Variants in ZCWPW2 observed in about 807,000 individuals in gnomAD.
ZCWPW2 encodes zinc finger CW-type PWWP domain protein 2.
ZCWPW2 carries 45 observed loss-of-function variants against 46.6 expected under a neutral mutation model. The observed-to-expected ratio is 0.96, with a 90% CI of 0.76 to 1.24. The LOEUF (loss-of-function observed/expected upper bound fraction) is 1.24, where lower values mean the gene tolerates loss of function less well. Ranked by LOEUF, ZCWPW2 falls within the 50% of genes most tolerant of loss-of-function variation. ZCWPW2 has a pLI of 0.00. For synonymous variants in ZCWPW2, 152 were observed against 137.1 expected, an observed-to-expected ratio of 1.11 and a Z score of -0.76; for missense variants, 429 against 403.9, an observed-to-expected ratio of 1.06 and a Z score of -0.53.
At chr3:28,501,407 A>G (rs1700139182) in intron 6 of ZCWPW2, among the ~76,000 whole-genome samples, 1 of 152,126 alleles carries the variant, frequency 6.6e-6, no homozygotes, top group South Asian at 2.1e-4. Context: ...GTTCAGTTTG[A>G]TTACATGACA....
rs914815789 is a variant in ZCWPW2, at chr3:28,348,960, A to C, written c.-377A>C. On this transcript the variant is annotated 5_prime_UTR_variant, in exon 1 of 10. Coordinates refer to ENST00000383768, the MANE Select transcript of ZCWPW2 (RefSeq NM_001040432.4). Reference sequence around the variant, plus strand: ...GGGAAGCACTCCGGAAAGTGATTGGAAGTGTGGATGAGCTCTCAGCCGGAA... The same window carrying C: ...GGGAAGCACTCCGGAAAGTGATTGGCAGTGTGGATGAGCTCTCAGCCGGAA... The C allele has an allele frequency of 3.0e-6, 3 of 985,440 alleles. No homozygotes were observed. In the African/African-American group the frequency reaches 5.2e-5, roughly 17 times the overall value. The allele number at this position is 985,440 out of a possible 1,614,324, so 61.0% of individuals were successfully genotyped here.
rs142863343 is a variant in ZCWPW2 at position 28,458,240 on chromosome 3, A to G, written c.493-20574A>G. Among the ~76,000 whole-genome samples the G allele has an allele frequency of 2.5e-3, 386 of 152,302 alleles. 1 individual carries two copies. The highest frequency in any genetic ancestry group is 8.4e-3 in the African/African-American group (350 of 41,558). On this transcript the variant is annotated intron_variant, in intron 4 of 9. Transcript: ENST00000383768. The stretch of plus-strand genomic sequence containing the variant: ...TGCAAGTTCTAAACTCAGTGCCTCT[A>G]CTTTCTCATCTGTAAAATGAGGATT...
chr3:28,477,419 C>A (rs1041183043), intron 4 of ZCWPW2, among the ~76,000 whole-genome samples: 1 of 152,180 alleles, frequency 6.6e-6, no homozygotes, highest in South Asian at 2.1e-4. Flanking sequence ...GTATAATATA[C>A]CATGAGGTAT....
intron 4 of ZCWPW2, among the ~76,000 whole-genome samples, chr3:28,439,672 A>G (rs1697668546): frequency 6.6e-6 from 1 of 152,232 alleles, no homozygotes; most frequent in African/African-American, 2.4e-5. Flanking sequence ...TATCCTTTGT[A>G]TAATCGGAAA....
At chr3:28,373,221 G>T (rs1484941418) in intron 1 of ZCWPW2, among the ~76,000 whole-genome samples, 4 of 152,108 alleles carry the variant, frequency 2.6e-5, no homozygotes, top group African/African-American at 9.7e-5. Flanking sequence ...GTTTTTTGGA[G>T]GGACATCTAT....
At position 28,458,483 on chromosome 3, in the gene ZCWPW2, A is replaced by G. The variant is rs146984393; in HGVS notation, c.493-20331A>G. On this transcript the variant is annotated intron_variant, in intron 4 of 9. Transcript: ENST00000383768. ...CTATCTCATTTTTTGGACTGTAGAC[A>G]TCAAATGATAATCTCACATAGTCTT... 3.4e-3 allele frequency among the ~76,000 whole-genome samples: 525 copies of G among 152,324 alleles called. 1 individual carries two copies. Among genetic ancestry groups the G allele is most frequent in the Non-Finnish European group, 6.5e-3 (440 of 68,034 alleles).
At chr3:28,470,834 G>A (rs1254473427) in intron 4 of ZCWPW2, among the ~76,000 whole-genome samples, 2 of 151,470 alleles carry the variant, frequency 1.3e-5, no homozygotes, top group Admixed American at 6.6e-5. Context: ...TTTTTGAAAA[G>A]CTAAAGAAAA....
At chr3:28,371,820 C>A (rs1705342892) in intron 1 of ZCWPW2, among the ~76,000 whole-genome samples, 2 of 152,114 alleles carry the variant, frequency 1.3e-5, no homozygotes, top group South Asian at 4.2e-4. Flanking sequence ...TGTGGTCATG[C>A]TCCAGGCCTA....
chr3:28,448,784 C>CAAA (rs576935771), intron 4 of ZCWPW2, among the ~76,000 whole-genome samples: 13 of 65,358 alleles, frequency 2.0e-4, no homozygotes, highest in Non-Finnish European at 3.5e-4. Flanking sequence ...GACTCTGTCT[C>CAAA]AAAAAAAAAA....
intron 2 of ZCWPW2, among the ~76,000 whole-genome samples, chr3:28,404,271 G>GA (rs1559491016): frequency 6.6e-6 from 1 of 151,216 alleles, no homozygotes; most frequent in African/African-American, 2.4e-5. Context: ...ACAAACATAC[G>GA]AAAAAATGCT....
intron 6 of ZCWPW2, among the ~76,000 whole-genome samples, chr3:28,508,176 A>G (rs1700330055): frequency 6.6e-6 from 1 of 152,122 alleles, no homozygotes; most frequent in African/African-American, 2.4e-5. Flanking sequence ...TCACCCACAA[A>G]GGAGGGCATT....
At chr3:28,516,268 A>G (rs556320601) in intron 8 of ZCWPW2, among the ~76,000 whole-genome samples, 1 of 146,352 alleles carries the variant, frequency 6.8e-6, no homozygotes, top group Non-Finnish European at 1.5e-5. Context: ...TAAATAAATA[A>G]ATAAATAAAT....
At chr3:28,367,721 ATCTG>A (rs1190477647) in intron 1 of ZCWPW2, among the ~76,000 whole-genome samples, 1 of 152,072 alleles carries the variant, frequency 6.6e-6, no homozygotes, top group African/African-American at 2.4e-5. Context: ...TATCTCGTTG[ATCTG>A]TCTAATATTG....
intron 6 of ZCWPW2, chr3:28,511,051 A>G (rs1366269586): frequency 4.4e-6 from 2 of 455,980 alleles, no homozygotes; most frequent in South Asian, 1.6e-5. Context: ...AATCTACCCC[A>G]GATGTCAAGA....
intron 2 of ZCWPW2, among the ~76,000 whole-genome samples, chr3:28,409,716 A>G (rs1209016627): frequency 6.6e-6 from 1 of 152,182 alleles, no homozygotes; most frequent in Non-Finnish European, 1.5e-5. Flanking sequence ...TAACTATTGT[A>G]ATAAAAATAA....
chr3:28,349,293 T>TG lies in ZCWPW2; in HGVS notation c.-134+96dup, dbSNP rs146821878. 1.8e-3 allele frequency: 1,496 copies of TG among 818,298 alleles called. 14 individuals are homozygous for TG. The African/African-American group carries it at 0.023, about 13-fold the overall frequency. 50.7% of individuals were successfully genotyped at this position (818,298 alleles called of 1,614,324 possible). ...GCGTCTTTTTCACTCAGTGTCCTTTTGGGGGGTCCCCGGGCCGTGTGGTGC... is the reference window on the plus strand; with the variant it reads ...GCGTCTTTTTCACTCAGTGTCCTTTTGGGGGGGTCCCCGGGCCGTGTGGTGC... On this transcript the variant is annotated intron_variant, in intron 1 of 9. Coordinates refer to ENST00000383768, the MANE Select transcript of ZCWPW2 (RefSeq NM_001040432.4).
chr3:28,504,253 G>A lies in ZCWPW2; in HGVS notation c.658-9811G>A, dbSNP rs148420468. ...CACTTTGTTCCAGAAATAATTTGCC[G>A]TATCATGAAATATTTATATTAGAGA... is the stretch of plus-strand genomic sequence containing the variant. On this transcript the variant is annotated intron_variant, in intron 6 of 9. Coordinates refer to ENST00000383768, the MANE Select transcript of ZCWPW2 (RefSeq NM_001040432.4). Among the ~76,000 whole-genome samples the A allele has an allele frequency of 1.0e-3, 159 of 152,010 alleles. 2 individuals carry two copies. Among genetic ancestry groups the A allele is most frequent in the African/African-American group, 2.9e-3 (119 of 41,470 alleles).
At position 28,384,610 on chromosome 3, in the gene ZCWPW2, C is replaced by CTTTTTTTTTTTTTT. The variant is rs201820223; in HGVS notation, c.-133-5885_-133-5884insTTTTTTTTTTTTTT. Among the ~76,000 whole-genome samples the CTTTTTTTTTTTTTT allele has an allele frequency of 2.8e-5, 4 of 143,528 alleles. 1 individual carries two copies. The highest frequency in any genetic ancestry group is 4.6e-5 in the Non-Finnish European group (3 of 65,096). The allele number at this position is 143,528 out of a possible 152,430, so 94.2% of individuals were successfully genotyped here. ...GACACATTCAAGTTGACCAATCTTTCTTTCTTTTTTTTTTTTTTTTGAGAC... is the reference window on the plus strand; with the variant it reads ...GACACATTCAAGTTGACCAATCTTTCTTTTTTTTTTTTTTTTTCTTTTTTTTTTTTTTTTGAGAC... On this transcript the variant is annotated intron_variant, in intron 1 of 9. Coordinates refer to ENST00000383768, the MANE Select transcript of ZCWPW2 (RefSeq NM_001040432.4).
At chr3:28,365,622 C>G (rs1431453035) in intron 1 of ZCWPW2, among the ~76,000 whole-genome samples, 1 of 140,874 alleles carries the variant, frequency 7.1e-6, no homozygotes, top group Non-Finnish European at 1.6e-5. Context: ...ATTGACTTGG[C>G]AATGCGGGCT....
Sources: gnomAD v4.1 joint callset for allele counts (sites outside exome capture counted in the v4.1 genomes callset) on GRCh38, gnomAD v4.1.1 for gene constraint, MANE v1.5 for transcripts, NCBI Gene and HGNC (gene_info 2026-07-23, HGNC 2026-07-21) for gene names.